Variants in FBXO25 observed in about 807,000 individuals in gnomAD.
The protein encoded by FBXO25 is F-box protein 25.
In FBXO25, 45 loss-of-function variants were observed where a neutral mutation model predicts 51.9. The observed-to-expected ratio is 0.87, with a 90% CI of 0.68 to 1.11. FBXO25 has a LOEUF of 1.11. FBXO25 is among the 50% of genes most tolerant of loss of function. The probability of loss-of-function intolerance (pLI) is 0.00; values close to 1 mark genes in which losing one functional copy is unlikely to be tolerated. For synonymous variants in FBXO25, 199 were observed against 151.0 expected (o/e 1.32, Z -2.33); for missense variants, 507 against 428.5 (o/e 1.18, Z -1.62).
chr8:421,171 T>G (rs1194057241), intron 2 of FBXO25, among the ~76,000 whole-genome samples: 1 of 152,192 alleles, frequency 6.6e-6, no homozygotes, highest in East Asian at 1.9e-4. Flanking sequence ...AACCCTGTTG[T>G]GAACTGTGTA....
chr8:455,579 G>GT (rs1247874840), intron 7 of FBXO25, among the ~76,000 whole-genome samples: 14 of 151,970 alleles, frequency 9.2e-5, no homozygotes, highest in South Asian at 2.1e-4. Context: ...CTGTATCTCT[G>GT]TTTTTTTTCT....
At position 465,868 on chromosome 8, in the gene FBXO25, A is replaced by G. The variant is rs79036474; in HGVS notation, c.987+2718A>G. On this transcript the variant is annotated intron_variant, in intron 9 of 9. Coordinates refer to ENST00000350302, the MANE Select transcript of FBXO25 (RefSeq NM_183420.2). The stretch of plus-strand genomic sequence containing the variant: ...GAAATATGTAATTTCTGATTTTTTT[A>G]AATTGAGAGATGATGTAGCCTTCCA... Among the ~76,000 whole-genome samples, 88 of 152,212 alleles carry G rather than the reference A, an allele frequency of 5.8e-4. 2 individuals carry two copies. Among genetic ancestry groups the G allele is most frequent in the Non-Finnish European group, 1.1e-3 (72 of 68,018 alleles).
At chr8:453,515 G>C (rs566125316) in intron 7 of FBXO25, among the ~76,000 whole-genome samples, 1 of 152,158 alleles carries the variant, frequency 6.6e-6, no homozygotes, top group East Asian at 1.9e-4. Context: ...TACCAGCTCA[G>C]TTAACTGAGC....
intron 5 of FBXO25, among the ~76,000 whole-genome samples, chr8:447,706 A>G (rs1254467899): frequency 6.6e-6 from 1 of 152,222 alleles, no homozygotes; most frequent in Middle Eastern, 3.2e-3. Context: ...TATGTTTCAC[A>G]TACACCTTAT....
At chr8:410,639 T>TTA (rs1796431300) in intron 1 of FBXO25, among the ~76,000 whole-genome samples, 1 of 152,202 alleles carries the variant, frequency 6.6e-6, no homozygotes, top group Non-Finnish European at 1.5e-5. Flanking sequence ...CTGTATGCTA[T>TTA]TAGAGACAGT....
intron 9 of FBXO25, chr8:468,105 G>A: frequency 9.4e-7 from 1 of 1,066,814 alleles, no homozygotes; most frequent in Non-Finnish European, 1.1e-6. Flanking sequence ...CCTCCTAAGA[G>A]TCTGCCAGTC....
intron 9 of FBXO25, among the ~76,000 whole-genome samples, chr8:463,520 C>T (rs913930370): frequency 1.3e-5 from 2 of 152,192 alleles, no homozygotes; most frequent in Admixed American, 6.5e-5. Context: ...GCACCTTCCT[C>T]GTTTCCCCAG....
At chr8:459,764 G>A (rs751817299) in intron 8 of FBXO25, among the ~76,000 whole-genome samples, 8 of 152,192 alleles carry the variant, frequency 5.3e-5, no homozygotes, top group Non-Finnish European at 1.0e-4. Context: ...GAGGCAACGG[G>A]ATCAGCCTGG....
chr8:409,938 T>G (rs867677413), intron 1 of FBXO25, among the ~76,000 whole-genome samples: 2 of 152,174 alleles, frequency 1.3e-5, no homozygotes, highest in South Asian at 4.1e-4. Flanking sequence ...TGATAAACTT[T>G]CTCCATTTTA....
chr8:437,778 T>C (rs1250704895), intron 5 of FBXO25, among the ~76,000 whole-genome samples: 2 of 151,748 alleles, frequency 1.3e-5, no homozygotes, highest in Non-Finnish European at 2.9e-5. Context: ...GCATTTATCA[T>C]ACATACTGTG....
At chr8:458,268 TACCA>T in intron 7 of FBXO25, 97 bp from the exon 8 acceptor site, 1 of 1,331,334 alleles carries the variant, frequency 7.5e-7, no homozygotes, top group Admixed American at 2.0e-5. Flanking sequence ...CTTTTTGTGT[TACCA>T]TGTTTTGAAG....
rs565413639 is a variant in FBXO25, at chr8:466,329, A to C, written c.988-2386A>C. Among the ~76,000 whole-genome samples, 3 of 152,166 alleles carry C rather than the reference A, an allele frequency of 2.0e-5. No individual in the cohort carries two copies. The East Asian group carries it at 5.8e-4, about 30-fold the overall frequency. On this transcript the variant is annotated intron_variant, in intron 9 of 9. Transcript: ENST00000350302. ...CTGGACCTGCCTCCGGGGTCTCCTGAGCTTGCTGCCCCTCCTAGGGTCTTG... is the reference window on the plus strand; with the variant it reads ...CTGGACCTGCCTCCGGGGTCTCCTGCGCTTGCTGCCCCTCCTAGGGTCTTG...
chr8:477,779 A>G lies in FBXO25; in HGVS notation c.*8975A>G, dbSNP rs1050832711. ...GGACAATAAAATCTGAATTTCACAT[A>G]CTTTTCTTATGTCATTAGATATTAC... On this transcript the variant is annotated 3_prime_UTR_variant, in exon 10 of 10. Transcript: ENST00000350302. 5 of 152,246 alleles carry G rather than the reference A, an allele frequency of 3.3e-5. No homozygotes were observed. The highest frequency in any genetic ancestry group is 6.5e-5 in the Admixed American group (1 of 15,280). 9.4% of individuals were successfully genotyped at this position (152,246 alleles called of 1,614,324 possible). A position where few individuals can be genotyped will look rare whatever the true frequency, so the allele number is the denominator to read the frequency against.
chr8:450,629 T>C (rs1011000655), intron 6 of FBXO25: 4 of 152,258 alleles, frequency 2.6e-5, no homozygotes, highest in African/African-American at 7.2e-5. Flanking sequence ...TAAGGCAAAA[T>C]TGTAGACCCA....
At chr8:422,901 G>C (rs1159123307) in intron 2 of FBXO25, among the ~76,000 whole-genome samples, 2 of 152,102 alleles carry the variant, frequency 1.3e-5, no homozygotes, top group African/African-American at 4.8e-5. Flanking sequence ...GAGGTACACA[G>C]GTCAGGACTC....
intron 4 of FBXO25, among the ~76,000 whole-genome samples, chr8:435,121 C>A (rs1798025478): frequency 6.6e-6 from 1 of 152,158 alleles, no homozygotes; most frequent in African/African-American, 2.4e-5. Flanking sequence ...CATGGCTGCT[C>A]TGGAGAGAAA....
chr8:425,760 G>T (rs1348787795), intron 2 of FBXO25, among the ~76,000 whole-genome samples: 1 of 151,820 alleles, frequency 6.6e-6, no homozygotes, highest in Non-Finnish European at 1.5e-5. Context: ...TTTGCTTTGT[G>T]AGCCAATCCA....
chr8:420,858 C>T (rs910250775), intron 2 of FBXO25, among the ~76,000 whole-genome samples: 6 of 152,162 alleles, frequency 3.9e-5, no homozygotes, highest in African/African-American at 1.4e-4. Flanking sequence ...TGACTGTGCA[C>T]CTGTCAAAAC....
In FBXO25 at chr8:470,934, T is replaced by C. The variant is rs1800464779; in HGVS notation, c.*2130T>C. The C allele has an allele frequency of 6.6e-6, 1 of 152,236 alleles. No individual in the cohort carries two copies. The highest frequency in any genetic ancestry group is 2.4e-5 in the African/African-American group (1 of 41,470). The allele number at this position is 152,236 out of a possible 1,614,324, so 9.4% of individuals were successfully genotyped here. On this transcript the variant is annotated 3_prime_UTR_variant, in exon 10 of 10. Transcript: ENST00000350302. ...AGTCTTTTTTCATGTTAGTTTCTTC[T>C]TAAAAGGAAACTATCCTTTTGAAGT...
Sources: allele counts gnomAD v4.1 joint callset (sites outside exome capture counted in the v4.1 genomes callset), GRCh38; gene constraint gnomAD v4.1.1; transcripts MANE v1.5; gene names NCBI Gene and HGNC (gene_info 2026-07-23, HGNC 2026-07-21).